VOPP1: variants seen among roughly 807,000 people sequenced by gnomAD.
VOPP1 encodes the protein WW domain binding protein VOPP1.
A neutral mutation model predicts 23.5 loss-of-function variants in VOPP1; 8 were observed. That is an observed-to-expected ratio of 0.34 (90% CI 0.20 to 0.61). VOPP1 has a LOEUF of 0.61. VOPP1 is among the 20% of genes least tolerant of loss of function. The pLI is 0.78. For missense variants in VOPP1, 174 were observed against 238.1 expected, an observed-to-expected ratio of 0.73 and a Z score of 1.77; for synonymous variants, 83 against 97.3, an observed-to-expected ratio of 0.85 and a Z score of 0.86.
chr7:55,497,563 G>A (rs772662024), intron 3 of VOPP1, 50 bp downstream of exon 3: 42 of 1,408,342 alleles, frequency 3.0e-5, no homozygotes, highest in Admixed American at 2.5e-4. Context: ...ATGGGGGGGG[G>A]GGGGGGGCAG....
At chr7:55,449,639 C>A (rs960734296) in intron 4 of VOPP1, among the ~76,000 whole-genome samples, 1 of 152,228 alleles carries the variant, frequency 6.6e-6, no homozygotes, top group African/African-American at 2.4e-5. Context: ...CTGTGACTGG[C>A]TGGGGTCACC....
intron 4 of VOPP1, among the ~76,000 whole-genome samples, chr7:55,448,420 A>G (rs1791154520): frequency 6.6e-6 from 1 of 152,160 alleles, no homozygotes; most frequent in Admixed American, 6.5e-5. Flanking sequence ...CCTCATTTCT[A>G]TTTCTGAAGT....
rs193138517 is a variant in VOPP1, at chr7:55,551,120, G to A, written c.54+21151C>T. Among the ~76,000 whole-genome samples, 3 of 152,250 alleles carry A rather than the reference G, an allele frequency of 2.0e-5. No individual in the cohort carries two copies. The East Asian group carries it at 5.8e-4, about 29-fold the overall frequency. ...ATGCAGAGAAAACAACAAACCATGA[G>A]CCCTACCATCCCGCAGACATAACTT... On this transcript the variant is annotated intron_variant, in intron 1 of 4. Coordinates refer to ENST00000285279, the MANE Select transcript of VOPP1 (RefSeq NM_030796.5).
intron 1 of VOPP1, among the ~76,000 whole-genome samples, chr7:55,548,582 G>T (rs1775512852): frequency 6.6e-6 from 1 of 152,252 alleles, no homozygotes; most frequent in South Asian, 2.1e-4. Flanking sequence ...CAAACATGCT[G>T]TCTGCTCTAT....
chr7:55,515,339 T>C (rs530401814), intron 2 of VOPP1, among the ~76,000 whole-genome samples: 51 of 152,182 alleles, frequency 3.4e-4, no homozygotes, highest in Non-Finnish European at 6.6e-4. Context: ...TGGGAAAGGC[T>C]GCCTCCCACA....
At chr7:55,475,304 G>C (rs770691211) in intron 4 of VOPP1, among the ~76,000 whole-genome samples, 14 of 152,174 alleles carry the variant, frequency 9.2e-5, no homozygotes, top group Non-Finnish European at 1.8e-4. Context: ...AGTGGGCCGA[G>C]TGGGCAGAGC....
At chr7:55,540,548 C>T (rs1004060837) in intron 1 of VOPP1, among the ~76,000 whole-genome samples, 1 of 152,154 alleles carries the variant, frequency 6.6e-6, no homozygotes, top group Non-Finnish European at 1.5e-5. Flanking sequence ...GACCTCTGGC[C>T]GTCACCAACA....
At chr7:55,517,461 C>T (rs1795537517) in intron 2 of VOPP1, among the ~76,000 whole-genome samples, 1 of 152,110 alleles carries the variant, frequency 6.6e-6, no homozygotes, top group Non-Finnish European at 1.5e-5. Context: ...CAGCACCCTG[C>T]ACACTGGCCA....
chr7:55,504,602 C>T (rs1794588795), intron 2 of VOPP1, among the ~76,000 whole-genome samples: 1 of 152,268 alleles, frequency 6.6e-6, no homozygotes, highest in African/African-American at 2.4e-5. Context: ...GACGCTGCCA[C>T]TCCCTGCAGC....
chr7:55,450,299 C>G (rs187192454), intron 4 of VOPP1, among the ~76,000 whole-genome samples: 1 of 150,770 alleles, frequency 6.6e-6, no homozygotes, highest in Admixed American at 6.6e-5. Context: ...TCCCCAGCAG[C>G]ACCTGGATGC....
At position 55,549,329 on chromosome 7, in the gene VOPP1, G is replaced by T. The variant is rs575411669; in HGVS notation, c.54+22942C>A. 5.3e-5 allele frequency among the ~76,000 whole-genome samples: 8 copies of T among 152,242 alleles called. No individual in the cohort carries two copies. The South Asian group carries it at 1.7e-3, about 32-fold the overall frequency. ...TTCTCTCAGGGCAAGTGGCCCTCACGATCAGGCATACAGACTCCCTTGAAC... is the reference window on the plus strand; with the variant it reads ...TTCTCTCAGGGCAAGTGGCCCTCACTATCAGGCATACAGACTCCCTTGAAC... On this transcript the variant is annotated intron_variant, in intron 1 of 4. Coordinates refer to ENST00000285279, the MANE Select transcript of VOPP1 (RefSeq NM_030796.5).
At chr7:55,544,438 G>A (rs1797276057) in intron 1 of VOPP1, among the ~76,000 whole-genome samples, 1 of 152,220 alleles carries the variant, frequency 6.6e-6, no homozygotes, top group South Asian at 2.1e-4. Context: ...GGCCAAGGCA[G>A]AACGGGGAAC....
chr7:55,566,159 G>T lies in VOPP1; in HGVS notation c.54+6112C>A, dbSNP rs561267128. Among the ~76,000 whole-genome samples the T allele has an allele frequency of 3.3e-5, 5 of 152,310 alleles. No homozygotes were observed. The East Asian group carries it at 9.6e-4, about 29-fold the overall frequency. ...AAAGGAGAATGATATGAATAAAAAGGACAAAGAGAAGCTGGAGGTGGGGGT... is the reference window on the plus strand; with the variant it reads ...AAAGGAGAATGATATGAATAAAAAGTACAAAGAGAAGCTGGAGGTGGGGGT... On this transcript the variant is annotated intron_variant, in intron 1 of 4. Coordinates refer to ENST00000285279, the MANE Select transcript of VOPP1 (RefSeq NM_030796.5).
chr7:55,501,527 A>G (rs1012455147), intron 2 of VOPP1, among the ~76,000 whole-genome samples: 3 of 152,156 alleles, frequency 2.0e-5, no homozygotes, highest in African/African-American at 7.2e-5. Context: ...TCTGCTGTTA[A>G]CAGTGCTGGG....
intron 1 of VOPP1, among the ~76,000 whole-genome samples, chr7:55,566,051 C>T (rs749774568): frequency 1.3e-5 from 2 of 152,198 alleles, no homozygotes; most frequent in Non-Finnish European, 2.9e-5. Context: ...GCAGACCTCA[C>T]AAAGGTGCAG....
At chr7:55,493,552 G>C (rs1322354548) in intron 3 of VOPP1, among the ~76,000 whole-genome samples, 1 of 152,240 alleles carries the variant, frequency 6.6e-6, no homozygotes. Flanking sequence ...CCAGAGGCAC[G>C]AGACAGGAAT....
chr7:55,494,692 G>A (rs1425715006), intron 3 of VOPP1, among the ~76,000 whole-genome samples: 1 of 152,198 alleles, frequency 6.6e-6, no homozygotes. Flanking sequence ...GTTGCCGAGT[G>A]ATCTCAAATT....
At chr7:55,463,940 G>A (rs1181884458) in intron 4 of VOPP1, among the ~76,000 whole-genome samples, 1 of 152,230 alleles carries the variant, frequency 6.6e-6, no homozygotes, top group Non-Finnish European at 1.5e-5. Flanking sequence ...GACCAGCAGA[G>A]GCATGTGCAG....
intron 4 of VOPP1, among the ~76,000 whole-genome samples, chr7:55,462,121 G>A (rs56845442): frequency 0.018 from 2,700 of 152,226 alleles, 88 homozygotes; most frequent in African/African-American, 0.062. Context: ...GTGTTCTTGC[G>A]TGACAGTTTT....
Sources: gnomAD v4.1 joint callset for allele counts (sites outside exome capture counted in the v4.1 genomes callset) on GRCh38, gnomAD v4.1.1 for gene constraint, MANE v1.5 for transcripts, NCBI Gene and HGNC (gene_info 2026-07-23, HGNC 2026-07-21) for gene names.